Variants in UBE2L3 observed in about 807,000 individuals in gnomAD.
UBE2L3 encodes ubiquitin conjugating enzyme E2 L3.
Under a neutral mutation model 17.8 loss-of-function variants are expected in UBE2L3, and 1 was observed. The ratio of observed to expected loss-of-function variants is 0.06; its 90% CI spans 0.02 to 0.27. The LOEUF (loss-of-function observed/expected upper bound fraction) is 0.27, where lower values mean the gene tolerates loss of function less well. UBE2L3 is among the 10% of genes least tolerant of loss of function. The pLI is 1.00. For missense variants in UBE2L3, 40 were observed against 192.6 expected (o/e 0.21, Z 4.69); for synonymous variants, 44 against 68.5 (o/e 0.64, Z 1.76).
rs370909695 is a variant in UBE2L3 at position 21,579,092 on chromosome 22, G to A, written c.27+11321G>A. Among the ~76,000 whole-genome samples the A allele has an allele frequency of 1.2e-3, 187 of 151,968 alleles. 1 individual carries two copies. Among genetic ancestry groups the A allele is most frequent in the African/African-American group, 3.9e-3 (162 of 41,456 alleles). On this transcript the variant is annotated intron_variant, in intron 1 of 3. Transcript: ENST00000342192. ...TGCAACCTCTGCCTACCAGGTTCAC[G>A]CAATTCTCCTGCCTCAGCCTCCCGA...
chr22:21,568,042 G>T (rs112705571), intron 1 of UBE2L3: 2 of 1,285,922 alleles, frequency 1.6e-6, no homozygotes, highest in Middle Eastern at 3.0e-4. Context: ...GAGCTTGGCC[G>T]CGTCCCCCTG....
intron 2 of UBE2L3, among the ~76,000 whole-genome samples, chr22:21,598,739 GC>G (rs1928693474): frequency 6.6e-6 from 1 of 151,662 alleles, no homozygotes; most frequent in Non-Finnish European, 1.5e-5. Flanking sequence ...TCCCTGTGTT[GC>G]CCAGGCTGGT....
chr22:21,607,674 G>A (rs902195279), intron 2 of UBE2L3, among the ~76,000 whole-genome samples: 9 of 152,234 alleles, frequency 5.9e-5, no homozygotes, highest in African/African-American at 2.2e-4. Context: ...AGGTAGGGTT[G>A]GGGAGAGGCC....
At chr22:21,573,462 C>T (rs907433787) in intron 1 of UBE2L3, among the ~76,000 whole-genome samples, 2 of 152,092 alleles carry the variant, frequency 1.3e-5, no homozygotes, top group Non-Finnish European at 2.9e-5. Flanking sequence ...CCTTGAGGAG[C>T]TCAACAAAGG....
intron 1 of UBE2L3, among the ~76,000 whole-genome samples, chr22:21,568,647 C>T (rs565982562): frequency 6.6e-6 from 1 of 152,194 alleles, no homozygotes; most frequent in East Asian, 1.9e-4. Context: ...GTACTTTTGC[C>T]AGTGGATTTG....
At position 21,623,393 on chromosome 22, in the gene UBE2L3, T is replaced by G. The variant is rs544149215; in HGVS notation, c.*1724T>G. On this transcript the variant is annotated 3_prime_UTR_variant, in exon 4 of 4. Transcript: ENST00000342192. ...ATGGCAAGGGCACCGGGCTGGCGTT[T>G]CCACATCTGTCTTCATTAGCAGAAA... 6.5e-6 allele frequency: 1 copy of G among 152,904 alleles called. No individual in the cohort carries two copies. Among genetic ancestry groups the G allele is most frequent in the East Asian group, 1.9e-4 (1 of 5,326 alleles). The allele number at this position is 152,904 out of a possible 1,614,324, so 9.5% of individuals were successfully genotyped here.
rs576923394 is a variant in UBE2L3 at position 21,560,342 on chromosome 22, C to T, written c.201+10692C>T. On this transcript the variant is annotated intron_variant, in intron 1 of 3. Transcript: ENST00000458578. ...ACAAGCAGGCACTGCTTCCTGAGAT[C>T]CCCATTGCTGCTATCAGCGTCTCTG... Among the ~76,000 whole-genome samples the T allele has an allele frequency of 4.0e-3, 612 of 152,318 alleles. 4 individuals are homozygous for T. The highest frequency in any genetic ancestry group is 7.1e-3 in the Non-Finnish European group (484 of 68,006).
At chr22:21,610,249 T>C (rs1929410296) in intron 2 of UBE2L3, among the ~76,000 whole-genome samples, 1 of 152,192 alleles carries the variant, frequency 6.6e-6, no homozygotes, top group Non-Finnish European at 1.5e-5. Flanking sequence ...ACCTAATCAC[T>C]TCCCAATGGT....
chr22:21,615,881 C>G (rs994281116), intron 3 of UBE2L3, among the ~76,000 whole-genome samples: 1 of 152,190 alleles, frequency 6.6e-6, no homozygotes, highest in Non-Finnish European at 1.5e-5. Context: ...TGCCAAACTT[C>G]TTGGATTTTG....
intron 1 of UBE2L3, among the ~76,000 whole-genome samples, chr22:21,556,526 C>T (rs1213461178): frequency 1.3e-5 from 2 of 152,230 alleles, no homozygotes; most frequent in Non-Finnish European, 2.9e-5. Flanking sequence ...GCCTCCTGGA[C>T]TTAAGCAATC....
chr22:21,564,041 T>TC (rs1159532386), upstream of UBE2L3, among the ~76,000 whole-genome samples: 1 of 150,378 alleles, frequency 6.6e-6, no homozygotes, highest in African/African-American at 2.4e-5. Flanking sequence ...TTCTTTCTTT[T>TC]TTTTTTTTTT....
intron 3 of UBE2L3, among the ~76,000 whole-genome samples, chr22:21,613,329 C>T (rs772565606): frequency 1.3e-5 from 2 of 152,190 alleles, no homozygotes; most frequent in Non-Finnish European, 2.9e-5. Flanking sequence ...GCTTCTCCCC[C>T]ACCCCCAAGA....
chr22:21,598,550 T>C (rs532573325), intron 2 of UBE2L3, among the ~76,000 whole-genome samples: 2 of 151,046 alleles, frequency 1.3e-5, no homozygotes, highest in East Asian at 3.9e-4. Context: ...CCTTTTTTTT[T>C]TTTTTTTTTA....
rs1927706980 is a variant in UBE2L3 at position 21,582,617 on chromosome 22, A to ATGGGTTCAAGTAATTCTCC, written c.28-10241_28-10223dup. On this transcript the variant is annotated intron_variant, in intron 1 of 3. Transcript: ENST00000342192. ...CTCGGCTCACTGCAACCTCTGCCTC[A>ATGGGTTCAAGTAATTCTCC]TGGGTTCAAGTAATTCTCCTGCCTC... Among the ~76,000 whole-genome samples the ATGGGTTCAAGTAATTCTCC allele has an allele frequency of 2.0e-5, 3 of 151,978 alleles. No individual in the cohort carries two copies. The South Asian group carries it at 6.2e-4, about 32-fold the overall frequency.
In UBE2L3 at chr22:21,583,070, G is replaced by T. The variant is rs185949164; in HGVS notation, c.28-9791G>T. 1.8e-3 allele frequency among the ~76,000 whole-genome samples: 279 copies of T among 152,274 alleles called. 2 individuals carry two copies. Among genetic ancestry groups the T allele is most frequent in the African/African-American group, 5.4e-3 (226 of 41,562 alleles). ...CCATGCACCCTGGCTGAAAGTTCTG[G>T]CCCTGATCATGAGTGCCCTGAGTTG... On this transcript the variant is annotated intron_variant, in intron 1 of 3. Coordinates refer to ENST00000342192, the MANE Select transcript of UBE2L3 (RefSeq NM_003347.4).
chr22:21,623,975 GCTTT>G lies in UBE2L3; in HGVS notation c.*2309_*2312del, dbSNP rs1316467393. On this transcript the variant is annotated 3_prime_UTR_variant, in exon 4 of 4. Transcript: ENST00000342192. ...TACTCCCCACCACGGCAGAGAATAG[GCTTT>G]CTAAGATGCTGCGATCCCGTTCTGC... 2.0e-5 allele frequency: 3 copies of G among 152,422 alleles called. No individual in the cohort carries two copies. In the East Asian group the frequency reaches 5.8e-4, roughly 29 times the overall value. 9.4% of individuals were successfully genotyped at this position (152,422 alleles called of 1,614,324 possible). A position where few individuals can be genotyped will look rare whatever the true frequency, so the allele number is the denominator to read the frequency against.
chr22:21,612,464 TA>T (rs1459234045), intron 3 of UBE2L3, among the ~76,000 whole-genome samples: 245 of 151,866 alleles, frequency 1.6e-3, no homozygotes, highest in African/African-American at 5.7e-3. Flanking sequence ...TAGCTGGGAC[TA>T]CAGGCACCCG....
intron 1 of UBE2L3, among the ~76,000 whole-genome samples, chr22:21,576,867 G>A (rs1601401356): frequency 7.3e-6 from 1 of 136,754 alleles, no homozygotes. Flanking sequence ...GCAGTGGCAC[G>A]ATCTTGGCTC....
At chr22:21,559,571 T>C (rs1399601857) in intron 1 of UBE2L3, among the ~76,000 whole-genome samples, 1 of 151,656 alleles carries the variant, frequency 6.6e-6, no homozygotes, top group Non-Finnish European at 1.5e-5. Context: ...GCTTCCTGCA[T>C]GAGGCAAGGA....
Sources: allele counts gnomAD v4.1 joint callset (sites outside exome capture counted in the v4.1 genomes callset), GRCh38; gene constraint gnomAD v4.1.1; transcripts MANE v1.5; gene names NCBI Gene and HGNC (gene_info 2026-07-23, HGNC 2026-07-21).